The following COLEC10 variants were observed in gnomAD, a reference collection of about 807,000 sequenced individuals.
COLEC10 encodes the protein collectin subfamily member 10.
COLEC10 carries 22 observed loss-of-function variants against 28.4 expected under a neutral mutation model. The observed-to-expected ratio is 0.78, with a 90% confidence interval of 0.55 to 1.11. COLEC10 has a LOEUF of 1.11. Ranked by LOEUF, COLEC10 falls within the 50% of genes least tolerant of loss-of-function variation. The pLI is 0.00. For synonymous variants in COLEC10, 125 were observed against 116.1 expected, an observed-to-expected ratio of 1.08 and a Z score of -0.49; for missense variants, 361 against 344.1, an observed-to-expected ratio of 1.05 and a Z score of -0.39.
intron 1 of COLEC10, among the ~76,000 whole-genome samples, chr8:119,003,306 C>T (rs938506046): frequency 4.9e-4 from 74 of 152,168 alleles, no homozygotes; most frequent in African/African-American, 1.7e-3. Context: ...GGATGGAAAT[C>T]GTCTGCAAAA....
chr8:118,979,337 A>G, the COLEC10 span, among the ~76,000 whole-genome samples: 3 of 152,094 alleles, frequency 2.0e-5, no homozygotes, highest in Admixed American at 2.0e-4. Flanking sequence ...CATTTATTTT[A>G]TTATTTTAAC....
intron 1 of COLEC10, among the ~76,000 whole-genome samples, chr8:119,005,609 C>T (rs1813780287): frequency 6.6e-6 from 1 of 152,070 alleles, no homozygotes. Context: ...AAATAAATTA[C>T]CTTTATGTAA....
intron 2 of COLEC10, among the ~76,000 whole-genome samples, chr8:119,060,003 A>G (rs1417278337): frequency 6.6e-6 from 1 of 152,106 alleles, no homozygotes; most frequent in African/African-American, 2.4e-5. Context: ...TTTCATGACT[A>G]ATTTTTAAGG....
upstream of COLEC10, among the ~76,000 whole-genome samples, chr8:118,993,729 C>T (rs1039874540): frequency 9.2e-5 from 14 of 152,088 alleles, no homozygotes; most frequent in South Asian, 2.1e-4. Flanking sequence ...TAAATGAGGG[C>T]GCATGTTAGT....
intron 2 of COLEC10, among the ~76,000 whole-genome samples, chr8:119,061,811 G>C (rs1237186041): frequency 6.6e-6 from 1 of 152,052 alleles, no homozygotes; most frequent in African/African-American, 2.4e-5. Context: ...CCAATTCCTA[G>C]AAAATAGTCA....
At chr8:119,105,587 G>A (rs1469060199) in intron 5 of COLEC10, among the ~76,000 whole-genome samples, 1 of 152,110 alleles carries the variant, frequency 6.6e-6, no homozygotes, top group Non-Finnish European at 1.5e-5. Context: ...AGAAGTTGAG[G>A]AGAAAAGGAA....
chr8:119,062,115 C>T (rs1587029768), intron 2 of COLEC10, among the ~76,000 whole-genome samples: 1 of 152,138 alleles, frequency 6.6e-6, no homozygotes, highest in South Asian at 2.1e-4. Flanking sequence ...ATAATTGTTA[C>T]AGGCCCATTA....
At chr8:119,022,339 C>CA (rs1264955268) in intron 2 of COLEC10, among the ~76,000 whole-genome samples, 1 of 152,030 alleles carries the variant, frequency 6.6e-6, no homozygotes, top group Non-Finnish European at 1.5e-5. Context: ...ATTTGTGCCT[C>CA]AATCCTTTGT....
the COLEC10 span, among the ~76,000 whole-genome samples, chr8:118,972,567 C>T: frequency 8.6e-5 from 13 of 151,924 alleles, no homozygotes; most frequent in African/African-American, 3.1e-4. Flanking sequence ...TCACCTCCCC[C>T]TAAAAACTAA....
chr8:118,976,125 C>A, the COLEC10 span, among the ~76,000 whole-genome samples: 1 of 151,972 alleles, frequency 6.6e-6, no homozygotes, highest in Non-Finnish European at 1.5e-5. Flanking sequence ...GTGCTGACAG[C>A]CAGGTAGTAT....
At chr8:119,091,595 G>GAGAGAGAGAGAGAGAAAGAAAGAA (rs1250359009) in intron 3 of COLEC10, among the ~76,000 whole-genome samples, 1 of 138,488 alleles carries the variant, frequency 7.2e-6, no homozygotes, top group African/African-American at 2.8e-5. Context: ...GAGAGAGAGA[G>GAGAGAGAGAGAGAGAAAGAAAGAA]AGAAAGAAAG....
the COLEC10 span, chr8:118,976,396 TA>T: frequency 6.6e-6 from 1 of 152,002 alleles, no homozygotes; most frequent in African/African-American, 2.4e-5. Flanking sequence ...GATTAAAGAG[TA>T]GTCTCCTTGT....
intron 2 of COLEC10, among the ~76,000 whole-genome samples, chr8:119,030,358 C>G (rs190857797): frequency 7.5e-4 from 114 of 152,120 alleles, no homozygotes; most frequent in Non-Finnish European, 6.3e-4. Context: ...ATACTTTAGT[C>G]CACAGTATAA....
At chr8:119,067,513 CTT>C in intron 1 of COLEC10, 84 bp downstream of exon 1, 1 of 1,264,846 alleles carries the variant, frequency 7.9e-7, no homozygotes, top group Non-Finnish European at 1.1e-6. Flanking sequence ...ATTTCAATGA[CTT>C]TCTCTTCTCT....
chr8:119,035,849 A>G (rs977522408), intron 2 of COLEC10, among the ~76,000 whole-genome samples: 6 of 152,216 alleles, frequency 3.9e-5, no homozygotes, highest in Non-Finnish European at 8.8e-5. Context: ...GTCAGTTTCA[A>G]TAGATTTTCA....
chr8:119,069,732 G>T (rs1815065083), intron 1 of COLEC10, among the ~76,000 whole-genome samples: 1 of 141,036 alleles, frequency 7.1e-6, no homozygotes, highest in African/African-American at 2.6e-5. Context: ...CCAAAATAAG[G>T]CAGATATGTA....
At chr8:118,997,523 C>A (rs918524821) in intron 1 of COLEC10, among the ~76,000 whole-genome samples, 1 of 152,056 alleles carries the variant, frequency 6.6e-6, no homozygotes, top group Non-Finnish European at 1.5e-5. Flanking sequence ...TCATGCTGAC[C>A]CTTGAATTAC....
intron 1 of COLEC10, among the ~76,000 whole-genome samples, chr8:119,005,223 C>T (rs1353462001): frequency 1.3e-5 from 2 of 152,172 alleles, no homozygotes; most frequent in South Asian, 4.1e-4. Context: ...GAAATAATAA[C>T]CCTAGGATTT....
At chr8:119,076,841 A>G (rs1177542758) in intron 1 of COLEC10, among the ~76,000 whole-genome samples, 2 of 152,226 alleles carry the variant, frequency 1.3e-5, no homozygotes, top group Non-Finnish European at 2.9e-5. Flanking sequence ...CAGGACAACC[A>G]AAAGAAAGAG....
Sources: gnomAD v4.1 joint callset for allele counts (sites outside exome capture counted in the v4.1 genomes callset) on GRCh38, gnomAD v4.1.1 for gene constraint, MANE v1.5 for transcripts, NCBI Gene and HGNC (gene_info 2026-07-23, HGNC 2026-07-21) for gene names.